HDAC9: variants seen among roughly 807,000 people sequenced by gnomAD.
HDAC9 encodes the protein histone deacetylase 9.
Under a neutral mutation model 139.4 loss-of-function variants are expected in HDAC9, and 41 were observed. The observed-to-expected ratio is 0.29, with a 90% CI of 0.23 to 0.38. The LOEUF (loss-of-function observed/expected upper bound fraction) is 0.38, where lower values mean the gene tolerates loss of function less well. Ranked by LOEUF, HDAC9 falls within the 10% of genes least tolerant of loss-of-function variation. The pLI is 1.00. For missense variants in HDAC9, 1,147 were observed against 1,297.0 expected, an observed-to-expected ratio of 0.88 and a Z score of 1.78; for synonymous variants, 517 against 476.2, an observed-to-expected ratio of 1.09 and a Z score of -1.12.
chr7:18,257,394 G>GTC (rs1795334383), intron 2 of HDAC9, among the ~76,000 whole-genome samples: 1 of 84,472 alleles, frequency 1.2e-5, no homozygotes, highest in Non-Finnish European at 2.4e-5. Context: ...CTCTCTCTCT[G>GTC]TCTCTCCCAC....
At chr7:18,592,459 A>G (rs1230958232) in intron 5 of HDAC9, among the ~76,000 whole-genome samples, 1 of 152,158 alleles carries the variant, frequency 6.6e-6, no homozygotes, top group Non-Finnish European at 1.5e-5. Context: ...AAACTAATAG[A>G]TAATAGTTTC....
At chr7:18,497,063 G>T (rs551137721) in intron 2 of HDAC9, among the ~76,000 whole-genome samples, 2 of 152,132 alleles carry the variant, frequency 1.3e-5, no homozygotes, top group Non-Finnish European at 2.9e-5. Flanking sequence ...GCTGGTGGGA[G>T]ATTGAGCTTG....
intron 1 of HDAC9, among the ~76,000 whole-genome samples, chr7:18,479,970 A>G (rs1213238063): frequency 2.7e-5 from 4 of 150,598 alleles, no homozygotes; most frequent in Non-Finnish European, 5.9e-5. Flanking sequence ...TTTATTTTAT[A>G]AATTCCACTC....
chr7:18,439,543 C>T (rs1791545469), intron 1 of HDAC9, among the ~76,000 whole-genome samples: 1 of 152,218 alleles, frequency 6.6e-6, no homozygotes, highest in East Asian at 1.9e-4. Context: ...CCATCACCTT[C>T]CCCGATTCAT....
chr7:18,100,665 C>T (rs1782789899), intron 1 of HDAC9, among the ~76,000 whole-genome samples: 1 of 152,162 alleles, frequency 6.6e-6, no homozygotes, highest in African/African-American at 2.4e-5. Flanking sequence ...GGAATAGATT[C>T]ATAATAACTG....
chr7:18,311,278 A>C (rs1285508898), intron 1 of HDAC9, among the ~76,000 whole-genome samples: 1 of 152,044 alleles, frequency 6.6e-6, no homozygotes, highest in Non-Finnish European at 1.5e-5. Flanking sequence ...CATAACCCCC[A>C]ATGAAAAAAT....
At chr7:18,140,033 C>G (rs1232380734) in intron 1 of HDAC9, among the ~76,000 whole-genome samples, 4 of 152,082 alleles carry the variant, frequency 2.6e-5, no homozygotes, top group Non-Finnish European at 1.5e-5. Context: ...ATGGCAGCCA[C>G]AAGAAATGAA....
At chr7:18,527,352 C>G (rs144702293) in intron 2 of HDAC9, among the ~76,000 whole-genome samples, 2 of 152,100 alleles carry the variant, frequency 1.3e-5, no homozygotes, top group African/African-American at 4.8e-5. Flanking sequence ...CAGTTGCCTC[C>G]CTCTCCTTTT....
intron 1 of HDAC9, among the ~76,000 whole-genome samples, chr7:18,337,583 A>C (rs1781675166): frequency 6.6e-6 from 1 of 151,702 alleles, no homozygotes. Context: ...CTTCCTTGCA[A>C]GGGCACTTGC....
intron 8 of HDAC9, among the ~76,000 whole-genome samples, chr7:18,635,237 C>G (rs187285290): frequency 9.9e-5 from 15 of 151,886 alleles, no homozygotes; most frequent in Non-Finnish European, 1.5e-4. Context: ...AGAGGAAGAA[C>G]CTAGCGAGGT....
intron 2 of HDAC9, among the ~76,000 whole-genome samples, chr7:18,183,470 T>G (rs1789665334): frequency 6.6e-6 from 1 of 152,218 alleles, no homozygotes; most frequent in South Asian, 2.1e-4. Flanking sequence ...TTTTGCTGCC[T>G]GTTTTTGTGA....
At chr7:18,470,564 G>A (rs1192400385) in intron 1 of HDAC9, among the ~76,000 whole-genome samples, 1 of 152,038 alleles carries the variant, frequency 6.6e-6, no homozygotes, top group East Asian at 1.9e-4. Flanking sequence ...GTTGGCAAAC[G>A]TTTTCTATAA....
intron 21 of HDAC9, among the ~76,000 whole-genome samples, chr7:18,866,575 A>G (rs566867331): frequency 3.3e-5 from 5 of 152,324 alleles, no homozygotes; most frequent in Non-Finnish European, 7.3e-5. Context: ...GAGTTACAAC[A>G]TATTTGCATT....
At chr7:18,664,684 G>A (rs1053518394) in intron 11 of HDAC9, among the ~76,000 whole-genome samples, 1 of 151,092 alleles carries the variant, frequency 6.6e-6, no homozygotes, top group Non-Finnish European at 1.5e-5. Flanking sequence ...TTCATTCTTT[G>A]TGTCTAAACC....
intron 6 of HDAC9, among the ~76,000 whole-genome samples, chr7:18,611,704 C>G (rs953512444): frequency 6.6e-6 from 1 of 151,994 alleles, no homozygotes; most frequent in African/African-American, 2.4e-5. Context: ...AATTAAGTAC[C>G]ATGTAGCATC....
chr7:18,498,381 G>T (rs1180152550), intron 2 of HDAC9, among the ~76,000 whole-genome samples: 2 of 152,002 alleles, frequency 1.3e-5, no homozygotes, highest in Admixed American at 1.3e-4. Flanking sequence ...AACAGCCTGG[G>T]GATTGAGGTT....
intron 21 of HDAC9, among the ~76,000 whole-genome samples, chr7:18,861,590 G>A (rs1035238199): frequency 2.0e-5 from 3 of 152,088 alleles, no homozygotes; most frequent in African/African-American, 7.2e-5. Flanking sequence ...AAGAGATACT[G>A]TTGAGAAAAA....
At chr7:18,269,192 T>C (rs951596451) in intron 2 of HDAC9, among the ~76,000 whole-genome samples, 6 of 152,110 alleles carry the variant, frequency 3.9e-5, no homozygotes, top group Non-Finnish European at 8.8e-5. Context: ...CACACATATA[T>C]ACATACACAT....
chr7:18,956,447 A>G (rs2129325915), intron 24 of HDAC9, among the ~76,000 whole-genome samples: 1 of 152,248 alleles, frequency 6.6e-6, no homozygotes, highest in African/African-American at 2.4e-5. Context: ...ATGTCCCTCC[A>G]GGAAGGGTTG....
Sources: gnomAD v4.1 joint callset for allele counts (sites outside exome capture counted in the v4.1 genomes callset) on GRCh38, gnomAD v4.1.1 for gene constraint, MANE v1.5 for transcripts, NCBI Gene and HGNC (gene_info 2026-07-23, HGNC 2026-07-21) for gene names.